The following UTRN variants were observed in gnomAD, a reference collection of about 807,000 sequenced individuals.
UTRN encodes the protein dystrophin-related protein 1.
In UTRN, 283 loss-of-function variants were observed where a neutral mutation model predicts 463.9. The observed-to-expected ratio is 0.61, with a 90% CI of 0.55 to 0.67. UTRN has a LOEUF of 0.67. UTRN is among the 30% of genes least tolerant of loss of function. The pLI is 0.00. For missense variants in UTRN, 3,922 were observed against 4,084.3 expected (o/e 0.96, Z 1.08); for synonymous variants, 1,442 against 1,431.5 (o/e 1.01, Z -0.17).
chr6:144,412,298 CAAGAGA>C (rs1783967241), intron 3 of UTRN, among the ~76,000 whole-genome samples: 4 of 151,694 alleles, frequency 2.6e-5, no homozygotes, highest in Non-Finnish European at 5.9e-5. Flanking sequence ...ATTCCACTAC[CAAGAGA>C]AAAAGTGTAG....
At chr6:144,689,787 C>T (rs576787162) in intron 52 of UTRN, among the ~76,000 whole-genome samples, 154 of 152,032 alleles carry the variant, frequency 1.0e-3, no homozygotes, top group African/African-American at 3.4e-3. Flanking sequence ...GTAATAGTAA[C>T]GAACAGGTCA....
At chr6:144,462,625 T>C in intron 22 of UTRN, 29 bp from the exon 23 acceptor site, 1 of 1,567,576 alleles carries the variant, frequency 6.4e-7, no homozygotes, top group Non-Finnish European at 8.6e-7. Context: ...TTTTTGTGCA[T>C]ATTTTTAATC....
At chr6:144,440,287 G>C (rs534100365) in intron 12 of UTRN, 65 bp from the exon 13 acceptor site, 14 of 1,553,996 alleles carry the variant, frequency 9.0e-6, no homozygotes, top group Non-Finnish European at 1.2e-5. Flanking sequence ...ATTGACAACT[G>C]AGTGCGTTTT....
intron 53 of UTRN, among the ~76,000 whole-genome samples, chr6:144,721,940 A>G (rs1324484201): frequency 6.6e-6 from 1 of 152,212 alleles, no homozygotes; most frequent in Non-Finnish European, 1.5e-5. Context: ...GGAGCATTTC[A>G]GATTTGGGAT....
rs1269201461 is a variant in UTRN, at chr6:144,369,320, A to G, written c.80-33803A>G. On this transcript the variant is annotated intron_variant, in intron 2 of 74. Coordinates refer to ENST00000367545, the MANE Select transcript of UTRN (RefSeq NM_007124.3). ...TTTTAAAAGTCAAACATTTCATCAC[A>G]TAAAAATTATAACCTGGGCTGGGCA... Among the ~76,000 whole-genome samples, 6 of 152,208 alleles carry G rather than the reference A, an allele frequency of 3.9e-5. No homozygotes were observed. In the East Asian group the frequency reaches 9.6e-4, roughly 24 times the overall value.
At chr6:144,782,316 G>T (rs1013465672) in intron 61 of UTRN, among the ~76,000 whole-genome samples, 193 bp downstream of exon 61, 2 of 152,024 alleles carry the variant, frequency 1.3e-5, no homozygotes, top group African/African-American at 4.8e-5. Flanking sequence ...GAACAGAAAA[G>T]AATGTACATC....
At chr6:144,746,238 G>A (rs565639360) in intron 54 of UTRN, among the ~76,000 whole-genome samples, 3 of 151,908 alleles carry the variant, frequency 2.0e-5, no homozygotes, top group South Asian at 4.2e-4. Flanking sequence ...CCTGACCTCA[G>A]GTAATCCACC....
chr6:144,788,389 T>TA lies in UTRN; in HGVS notation c.8835-805_8835-804insA, dbSNP rs1418431486. Among the ~76,000 whole-genome samples, 5 of 152,290 alleles carry TA rather than the reference T, an allele frequency of 3.3e-5. No individual in the cohort carries two copies. The East Asian group carries it at 9.6e-4, about 29-fold the overall frequency. ...ATTAATACTTAATTACCAATTAGTA[T>TA]TCAGCAAGTTGTAAGCTCTTAGTAT... is the stretch of plus-strand genomic sequence containing the variant. On this transcript the variant is annotated intron_variant, in intron 61 of 74. Coordinates refer to ENST00000367545, the MANE Select transcript of UTRN (RefSeq NM_007124.3).
At chr6:144,683,017 C>T (rs1264635762) in intron 52 of UTRN, among the ~76,000 whole-genome samples, 1 of 152,126 alleles carries the variant, frequency 6.6e-6, no homozygotes, top group African/African-American at 2.4e-5. Flanking sequence ...TCCCCCTTTG[C>T]TGGCTGGATT....
chr6:144,461,557 C>G (rs899829886), intron 22 of UTRN, among the ~76,000 whole-genome samples: 11 of 152,196 alleles, frequency 7.2e-5, no homozygotes, highest in African/African-American at 2.7e-4. Context: ...CATATTTTCT[C>G]CTTCTGCTGT....
intron 2 of UTRN, among the ~76,000 whole-genome samples, chr6:144,401,292 C>T (rs2114792816): frequency 6.6e-6 from 1 of 152,150 alleles, no homozygotes; most frequent in East Asian, 1.9e-4. Context: ...TTTCCAAATG[C>T]CCTAAACACT....
At chr6:144,711,575 T>C (rs1374862058) in intron 53 of UTRN, among the ~76,000 whole-genome samples, 1 of 152,332 alleles carries the variant, frequency 6.6e-6, no homozygotes, top group East Asian at 1.9e-4. Context: ...CAAATGCTCT[T>C]GAGTGGATAA....
Position 144,587,312 on chromosome 6 carries a change from G to A in UTRN, c.7479+10024G>A, listed in dbSNP as rs571230985. Among the ~76,000 whole-genome samples the A allele has an allele frequency of 2.2e-3, 333 of 152,300 alleles. 1 individual carries two copies. Among genetic ancestry groups the A allele is most frequent in the African/African-American group, 7.6e-3 (314 of 41,572 alleles). ...TCTGAATATTCTGTGAAAAATAGAA[G>A]AGACCAGAAGATTCCACCTGGGAAG... On this transcript the variant is annotated intron_variant, in intron 51 of 74. Coordinates refer to ENST00000367545, the MANE Select transcript of UTRN (RefSeq NM_007124.3).
intron 48 of UTRN, among the ~76,000 whole-genome samples, chr6:144,553,019 G>A (rs116594677): frequency 0.015 from 2,237 of 152,216 alleles, 63 homozygotes; most frequent in African/African-American, 0.051. Flanking sequence ...TATAACTTAA[G>A]GCCTGAACAG....
At chr6:144,442,967 T>G (rs895550955) in intron 13 of UTRN, among the ~76,000 whole-genome samples, 3 of 152,202 alleles carry the variant, frequency 2.0e-5, no homozygotes, top group Non-Finnish European at 4.4e-5. Flanking sequence ...AAAAATCATG[T>G]GCATAGTAAA....
intron 51 of UTRN, among the ~76,000 whole-genome samples, chr6:144,615,311 G>T (rs1476547493): frequency 6.6e-6 from 1 of 152,104 alleles, no homozygotes; most frequent in Non-Finnish European, 1.5e-5. Context: ...TTTCATAAAT[G>T]ATTGGACATG....
chr6:144,702,746 C>T (rs1374437357), intron 53 of UTRN, among the ~76,000 whole-genome samples: 1 of 152,058 alleles, frequency 6.6e-6, no homozygotes, highest in East Asian at 1.9e-4. Context: ...GCAGAGAGCA[C>T]AAAGGCCACA....
intron 52 of UTRN, among the ~76,000 whole-genome samples, chr6:144,692,599 A>T (rs1251072086): frequency 6.6e-6 from 1 of 152,034 alleles, no homozygotes; most frequent in African/African-American, 2.4e-5. Context: ...CTGGTGTGAG[A>T]TGGTATCTCA....
intron 27 of UTRN, among the ~76,000 whole-genome samples, chr6:144,484,427 C>T (rs989863698): frequency 2.1e-5 from 3 of 142,718 alleles, no homozygotes; most frequent in African/African-American, 7.9e-5. Context: ...TGTTCAAAAA[C>T]CAAACTTTTT....
Sources: gnomAD v4.1 joint callset for allele counts (sites outside exome capture counted in the v4.1 genomes callset) on GRCh38, gnomAD v4.1.1 for gene constraint, MANE v1.5 for transcripts, NCBI Gene and HGNC (gene_info 2026-07-23, HGNC 2026-07-21) for gene names.